The following GTF3C1 variants were observed in gnomAD, a reference collection of about 807,000 sequenced individuals.
GTF3C1 encodes general transcription factor IIIC subunit 1, also known as general transcription factor 3C polypeptide 1.
GTF3C1 carries 57 observed loss-of-function variants against 226.7 expected under a neutral mutation model. That is an observed-to-expected ratio of 0.25 (90% CI 0.20 to 0.31). GTF3C1 has a LOEUF of 0.31. Among genes scored for constraint, GTF3C1 ranks in the 10% least tolerant of loss-of-function variants. The pLI is 1.00. For missense variants in GTF3C1, 2,217 were observed against 2,776.1 expected, an observed-to-expected ratio of 0.80 and a Z score of 4.53; for synonymous variants, 1,090 against 1,084.8, an observed-to-expected ratio of 1.00 and a Z score of -0.09.
At chr16:27,542,431 G>T (rs193073916) in intron 2 of GTF3C1, among the ~76,000 whole-genome samples, 2 of 152,222 alleles carry the variant, frequency 1.3e-5, no homozygotes, top group Admixed American at 1.3e-4. Context: ...CATGGTAGCA[G>T]GTCCCTGTAA....
chr16:27,544,442 G>A (rs1389893479), intron 2 of GTF3C1, among the ~76,000 whole-genome samples: 1 of 151,752 alleles, frequency 6.6e-6, no homozygotes, highest in African/African-American at 2.4e-5. Flanking sequence ...GTGGAAAAGA[G>A]CAGGGGTAGA....
chr16:27,519,137 G>T (rs1473021960), intron 6 of GTF3C1, among the ~76,000 whole-genome samples: 1 of 151,204 alleles, frequency 6.6e-6, no homozygotes, highest in Non-Finnish European at 1.5e-5. Flanking sequence ...GGACAGTAAA[G>T]GATACTAAGA....
chr16:27,548,598 CT>C (rs1443702060), intron 1 of GTF3C1, among the ~76,000 whole-genome samples: 1 of 152,176 alleles, frequency 6.6e-6, no homozygotes, highest in East Asian at 1.9e-4. Context: ...GGAACCTCCC[CT>C]GACCCTCACA....
intron 14 of GTF3C1, among the ~76,000 whole-genome samples, chr16:27,496,613 C>T (rs2088321312): frequency 1.3e-5 from 2 of 152,182 alleles, no homozygotes; most frequent in South Asian, 4.1e-4. Context: ...ACCACACTGG[C>T]CAGAATGGTC....
chr16:27,528,109 A>G (rs1423065971), intron 6 of GTF3C1, among the ~76,000 whole-genome samples: 2 of 152,224 alleles, frequency 1.3e-5, no homozygotes, highest in African/African-American at 4.8e-5. Context: ...CGCTGTCTCT[A>G]CTAAAAATAC....
intron 26 of GTF3C1, among the ~76,000 whole-genome samples, chr16:27,482,254 G>C (rs76592660): frequency 1.3e-5 from 2 of 152,206 alleles, no homozygotes; most frequent in East Asian, 3.9e-4. Flanking sequence ...TCCTGGAGGG[G>C]AGTGTGGCGG....
At chr16:27,482,410 TG>T (rs1276916439) in intron 26 of GTF3C1, 1 of 448,506 alleles carries the variant, frequency 2.2e-6, no homozygotes, top group African/African-American at 2.0e-5. Flanking sequence ...AAAGCATTGC[TG>T]AGCCTCCTCC....
At chr16:27,521,139 C>T (rs1468616083) in intron 6 of GTF3C1, among the ~76,000 whole-genome samples, 1 of 152,222 alleles carries the variant, frequency 6.6e-6, no homozygotes, top group Non-Finnish European at 1.5e-5. Flanking sequence ...AAGGAGGCCA[C>T]ATCCGTCACT....
At chr16:27,465,569 C>T in intron 32 of GTF3C1, 29 bp from the exon 33 acceptor site, 3 of 1,565,164 alleles carry the variant, frequency 1.9e-6, no homozygotes, top group Non-Finnish European at 2.6e-6. Flanking sequence ...AGATCAGAGG[C>T]AGCCCGACAG....
In GTF3C1 at chr16:27,471,666, G is replaced by A. The variant is rs1399086757; in HGVS notation, c.4526+82C>T. On this transcript the variant is annotated intron_variant, in intron 30 of 36. Coordinates refer to ENST00000356183, the MANE Select transcript of GTF3C1 (RefSeq NM_001520.4). This position sits in a 1 kb window ranked among gnomAD's most constrained non-coding sequence, Gnocchi z 5.0. ...TCCCTGGCTCCTACACGCTTTCATG[G>A]CCACAGTGCTTCCTTTGCTCCTCTT... is the stretch of plus-strand genomic sequence containing the variant. 8.8e-7 allele frequency: 1 copy of A among 1,141,338 alleles called. No individual in the cohort carries two copies. Among genetic ancestry groups the A allele is most frequent in the Non-Finnish European group, 1.3e-6 (1 of 773,728 alleles). 70.7% of individuals were successfully genotyped at this position (1,141,338 alleles called of 1,614,324 possible). A position where few individuals can be genotyped will look rare whatever the true frequency, so the allele number is the denominator to read the frequency against.
rs750821965 is a variant in GTF3C1, at chr16:27,471,745, C to T, written c.4526+3G>A. On this transcript the variant is annotated splice_donor_region_variant and intron_variant, in intron 30 of 36. Transcript: ENST00000356183. The surrounding 1 kb of genome is among the most constrained non-coding windows in gnomAD (Gnocchi z 5.0). ...GTACCCAAGGCTCCTGACAGGTACT[C>T]ACCTGTAGTAGGTCTGGGATAGCTG... is the stretch of plus-strand genomic sequence containing the variant. The T allele has an allele frequency of 3.7e-6, 6 of 1,607,308 alleles. No homozygotes were observed. In the Admixed American group the frequency reaches 1.0e-4, roughly 27 times the overall value.
At chr16:27,497,891 C>T in intron 13 of GTF3C1, 70 bp from the exon 14 acceptor site, 1 of 1,284,510 alleles carries the variant, frequency 7.8e-7, no homozygotes. Flanking sequence ...CAGAGTCTGT[C>T]TGCATGAATC....
intron 6 of GTF3C1, among the ~76,000 whole-genome samples, chr16:27,525,338 A>T (rs1277027235): frequency 2.0e-5 from 3 of 152,274 alleles, no homozygotes; most frequent in East Asian, 3.9e-4. Flanking sequence ...TGATGCTACC[A>T]CACTTTTCCT....
intron 6 of GTF3C1, among the ~76,000 whole-genome samples, chr16:27,516,789 T>C (rs761070425): frequency 5.9e-5 from 9 of 152,164 alleles, no homozygotes; most frequent in Non-Finnish European, 5.9e-5. Context: ...TACACCACCA[T>C]GCTCGGATCT....
chr16:27,495,099 G>T, intron 15 of GTF3C1, 112 bp downstream of exon 15: 2 of 894,260 alleles, frequency 2.2e-6, no homozygotes, highest in Non-Finnish European at 3.5e-6. Context: ...GTTTCCATTT[G>T]GATCAGAGGC....
At chr16:27,497,585 T>G (rs2141388643) in intron 14 of GTF3C1, 52 bp downstream of exon 14, 1 of 1,476,020 alleles carries the variant, frequency 6.8e-7, no homozygotes, top group Middle Eastern at 2.3e-4. Flanking sequence ...AACATTGTCA[T>G]ACAAACAACA....
rs2087830817 is a variant in GTF3C1 at position 27,469,365 on chromosome 16, C to T, written c.5000G>A (p.Ser1667Asn). ...VSTRNLNPND[S>N]IVVNSCQMKF... Reference sequence around the variant, plus strand: ...CATCTGGCAGGAGTTGACCACAATGCTGTCGTTGGGGTTGAGGTTGCGGGT... The same window carrying T: ...CATCTGGCAGGAGTTGACCACAATGTTGTCGTTGGGGTTGAGGTTGCGGGT... The change falls in exon 32 of 37, where the codon AGC becomes AAC. Residue 1667 changes from serine to asparagine, a missense_variant. This residue lies in a region of GTF3C1 where 455 missense variants were observed against 441.9 expected (regional missense o/e 1.03). Coordinates refer to ENST00000356183, the MANE Select transcript of GTF3C1 (RefSeq NM_001520.4). The surrounding 1 kb of genome is among the most constrained non-coding windows in gnomAD (Gnocchi z 4.5). 11 of 1,609,242 alleles carry T rather than the reference C, an allele frequency of 6.8e-6. No individual in the cohort carries two copies. Among genetic ancestry groups the T allele is most frequent in the Non-Finnish European group, 9.3e-6 (11 of 1,177,778 alleles).
rs774062640 is a variant in GTF3C1 at position 27,508,510 on chromosome 16, C to T, written c.1242+30G>A. 1.9e-5 allele frequency: 28 copies of T among 1,490,894 alleles called. No individual in the cohort carries two copies. The East Asian group carries it at 2.3e-4, about 12-fold the overall frequency. 92.4% of individuals were successfully genotyped at this position (1,490,894 alleles called of 1,614,324 possible). ...ACACTGCAAGCACCTCCAAAGACAACGAGTGTTGGGGGAAGGCTCATGATG... is the reference window on the plus strand; with the variant it reads ...ACACTGCAAGCACCTCCAAAGACAATGAGTGTTGGGGGAAGGCTCATGATG... On this transcript the variant is annotated intron_variant, in intron 8 of 36. Coordinates refer to ENST00000356183, the MANE Select transcript of GTF3C1 (RefSeq NM_001520.4).
At chr16:27,494,252 T>G (rs966471990) in intron 16 of GTF3C1, among the ~76,000 whole-genome samples, 3 of 151,830 alleles carry the variant, frequency 2.0e-5, no homozygotes, top group African/African-American at 7.3e-5. Flanking sequence ...ATATAAAAAA[T>G]TAGCCTGGCG....
Sources: gnomAD v4.1 joint callset for allele counts (sites outside exome capture counted in the v4.1 genomes callset) on GRCh38, gnomAD v4.1.1 for gene constraint, gnomAD v4.1.1 regional missense constraint, Gnocchi (gnomAD v3.1) non-coding constraint, MANE v1.5 for transcripts, NCBI Gene and HGNC (gene_info 2026-07-23, HGNC 2026-07-21) for gene names.